Variants in TPD52L1 observed in about 807,000 individuals in gnomAD.
TPD52L1 encodes TPD52 like 1.
In TPD52L1, 18 loss-of-function variants were observed where a neutral mutation model predicts 28.7. The observed-to-expected ratio is 0.63, with a 90% confidence interval of 0.43 to 0.93. The LOEUF (loss-of-function observed/expected upper bound fraction) is 0.93. TPD52L1 is among the 40% of genes least tolerant of loss of function. The pLI is 0.00. For synonymous variants in TPD52L1, 75 were observed against 88.8 expected (o/e 0.84, Z 0.88); for missense variants, 203 against 254.8 (o/e 0.80, Z 1.39).
chr6:125,193,252 G>A (rs117203708), intron 1 of TPD52L1, among the ~76,000 whole-genome samples: 19 of 152,120 alleles, frequency 1.2e-4, no homozygotes, highest in African/African-American at 4.6e-4. Flanking sequence ...CCCTGGTGGG[G>A]TATAGCAGAA....
In TPD52L1 at chr6:125,216,031, T is replaced by G. The variant is rs73771276; in HGVS notation, c.20-4047T>G. 8.7e-3 allele frequency among the ~76,000 whole-genome samples: 1,321 copies of G among 152,272 alleles called. 24 individuals are homozygous for G. Among genetic ancestry groups the G allele is most frequent in the African/African-American group, 0.03 (1,263 of 41,554 alleles). On this transcript the variant is annotated intron_variant, in intron 1 of 6. Coordinates refer to ENST00000534000, the MANE Select transcript of TPD52L1 (RefSeq NM_003287.4). Reference sequence around the variant, plus strand: ...CCCAGGACTGTCTGCTGACCCCCACTGCAGGGGTGGGGTGGAGCTTACTTT... The same window carrying G: ...CCCAGGACTGTCTGCTGACCCCCACGGCAGGGGTGGGGTGGAGCTTACTTT...
chr6:125,253,114 C>T (rs1217033485), intron 4 of TPD52L1: 3 of 152,304 alleles, frequency 2.0e-5, no homozygotes, highest in Non-Finnish European at 4.4e-5. Context: ...TTAAAATTCT[C>T]AGGAATGTTT....
At chr6:125,214,043 G>T (rs762804368) in intron 1 of TPD52L1, among the ~76,000 whole-genome samples, 5 of 152,316 alleles carry the variant, frequency 3.3e-5, no homozygotes, top group South Asian at 2.1e-4. Context: ...TGGCTGAGCT[G>T]TAGAAGGGAG....
chr6:125,226,881 A>G (rs1294259821), intron 2 of TPD52L1, among the ~76,000 whole-genome samples: 3 of 152,176 alleles, frequency 2.0e-5, no homozygotes, highest in Non-Finnish European at 4.4e-5. Context: ...GAAATATGAC[A>G]TGATAACAAA....
intron 1 of TPD52L1, among the ~76,000 whole-genome samples, chr6:125,199,556 A>G (rs1209397967): frequency 1.3e-5 from 2 of 152,170 alleles, no homozygotes; most frequent in African/African-American, 4.8e-5. Context: ...GTGGTGCTAC[A>G]TGCCTGTAAT....
At chr6:125,197,877 G>T (rs1172413291) in intron 1 of TPD52L1, among the ~76,000 whole-genome samples, 1 of 152,176 alleles carries the variant, frequency 6.6e-6, no homozygotes, top group Admixed American at 6.5e-5. Context: ...GCAGCTCACT[G>T]CTGGAGTTCA....
At chr6:125,183,434 G>C (rs1427748897) in intron 1 of TPD52L1, among the ~76,000 whole-genome samples, 1 of 152,118 alleles carries the variant, frequency 6.6e-6, no homozygotes, top group Admixed American at 6.6e-5. Context: ...AGCTGAGATT[G>C]TGCCACTTCA....
Position 125,154,477 on chromosome 6 carries a change from C to T in TPD52L1, c.19+507C>T, listed in dbSNP as rs1432767995. The T allele has an allele frequency of 7.1e-6, 7 of 985,828 alleles. No homozygotes were observed. The African/African-American group carries it at 1.0e-4, about 15-fold the overall frequency. 61.1% of individuals were successfully genotyped at this position (985,828 alleles called of 1,614,324 possible). On this transcript the variant is annotated intron_variant, in intron 1 of 6. Coordinates refer to ENST00000534000, the MANE Select transcript of TPD52L1 (RefSeq NM_003287.4). The stretch of plus-strand genomic sequence containing the variant: ...GCGAGACGCTTCCCGCTCGGGGACC[C>T]GCCTTCCGAGGCCAGGTGAACGTTA...
chr6:125,245,298 G>T (rs1369670663), intron 3 of TPD52L1, among the ~76,000 whole-genome samples: 2 of 152,190 alleles, frequency 1.3e-5, no homozygotes, highest in Non-Finnish European at 2.9e-5. Flanking sequence ...TGGGATCAGG[G>T]TTATTCTGTC....
chr6:125,167,761 C>T (rs1214315955), intron 1 of TPD52L1, among the ~76,000 whole-genome samples: 1 of 152,044 alleles, frequency 6.6e-6, no homozygotes, highest in African/African-American at 2.4e-5. Context: ...ACTCCAGGTC[C>T]TCCTTTACAG....
intron 1 of TPD52L1, among the ~76,000 whole-genome samples, chr6:125,176,873 CA>C (rs1263075712): frequency 1.6e-3 from 239 of 151,722 alleles, no homozygotes; most frequent in African/African-American, 5.5e-3. Context: ...CCCATCTCTA[CA>C]AAAAAATAAA....
At chr6:125,188,377 C>T (rs1582888709) in intron 1 of TPD52L1, among the ~76,000 whole-genome samples, 1 of 152,136 alleles carries the variant, frequency 6.6e-6, no homozygotes, top group East Asian at 1.9e-4. Context: ...ATCCTGTTTA[C>T]TCCTACCCTT....
At chr6:125,165,099 T>TA (rs1185611851) in intron 1 of TPD52L1, among the ~76,000 whole-genome samples, 100 of 143,966 alleles carry the variant, frequency 6.9e-4, no homozygotes, top group South Asian at 8.7e-4. Context: ...TATATATATA[T>TA]TTTAACTGTA....
chr6:125,160,152 A>C (rs991737793), intron 1 of TPD52L1, among the ~76,000 whole-genome samples: 1 of 152,076 alleles, frequency 6.6e-6, no homozygotes, highest in African/African-American at 2.4e-5. Flanking sequence ...GTATGTCTTT[A>C]TTAGCAGCAT....
chr6:125,200,318 G>A (rs1038446204), intron 1 of TPD52L1, among the ~76,000 whole-genome samples: 7 of 152,122 alleles, frequency 4.6e-5, no homozygotes, highest in Non-Finnish European at 8.8e-5. Flanking sequence ...ACAGATTTTC[G>A]TAGGTATTTT....
At chr6:125,253,559 A>G in intron 4 of TPD52L1, 158 bp from the exon 5 acceptor site, 2 of 668,144 alleles carry the variant, frequency 3.0e-6, no homozygotes, top group Non-Finnish European at 5.2e-6. Context: ...TACCCATTAT[A>G]CCCAACAAAA....
At chr6:125,262,725 A>G (rs911676543) in intron 6 of TPD52L1, 109 bp from the exon 7 acceptor site, 1 of 1,391,112 alleles carries the variant, frequency 7.2e-7, no homozygotes, top group Non-Finnish European at 9.7e-7. Context: ...CTCTAAAGAT[A>G]GAAAGTATTT....
chr6:125,223,221 T>A (rs1795372337), intron 2 of TPD52L1, among the ~76,000 whole-genome samples: 1 of 152,212 alleles, frequency 6.6e-6, no homozygotes, highest in Admixed American at 6.5e-5. Context: ...TCCTGCATTA[T>A]CTTGTTGATA....
At chr6:125,252,352 A>AT (rs751269168) in intron 4 of TPD52L1, 83 of 311,168 alleles carry the variant, frequency 2.7e-4, no homozygotes, top group Admixed American at 2.1e-3. Context: ...AGAAAAAAAA[A>AT]CAAAGTGGAG....
Sources: allele counts gnomAD v4.1 joint callset (sites outside exome capture counted in the v4.1 genomes callset), GRCh38; gene constraint gnomAD v4.1.1; transcripts MANE v1.5; gene names NCBI Gene and HGNC (gene_info 2026-07-23, HGNC 2026-07-21).